DLG2: variants seen among roughly 807,000 people sequenced by gnomAD.
DLG2 encodes the protein discs large MAGUK scaffold protein 2.
In DLG2, 45 loss-of-function variants were observed where a neutral mutation model predicts 132.5. The ratio of observed to expected loss-of-function variants is 0.34; its 90% confidence interval spans 0.27 to 0.44. The LOEUF is 0.44. Among genes scored for constraint, DLG2 ranks in the 20% least tolerant of loss-of-function variants. The pLI is 1.00. For missense variants in DLG2, 1,045 were observed against 1,196.9 expected (o/e 0.87, Z 1.87); for synonymous variants, 424 against 419.6 (o/e 1.01, Z -0.13).
intron 20 of DLG2, among the ~76,000 whole-genome samples, chr11:83,533,280 C>T (rs928208934): frequency 1.3e-5 from 2 of 152,124 alleles, no homozygotes; most frequent in Admixed American, 1.3e-4. Flanking sequence ...TCCCCAATGT[C>T]CTTCTGTCAT....
chr11:84,975,491 A>G lies in DLG2; in HGVS notation c.357+136170T>C, dbSNP rs565073745. Among the ~76,000 whole-genome samples the G allele has an allele frequency of 4.6e-5, 7 of 152,338 alleles. 1 individual carries two copies. The highest frequency in any genetic ancestry group is 4.6e-4 in the Admixed American group (7 of 15,286). On this transcript the variant is annotated intron_variant, in intron 6 of 27. Transcript: ENST00000376104. ...GTACTTCAAGACACATTTTGTGATCATGAGAAATACAACAAAGTGATAAGC... is the reference window on the plus strand; with the variant it reads ...GTACTTCAAGACACATTTTGTGATCGTGAGAAATACAACAAAGTGATAAGC...
At chr11:84,316,976 C>A in intron 7 of DLG2, 1 of 1,612,808 alleles carries the variant, frequency 6.2e-7, no homozygotes, top group Non-Finnish European at 8.5e-7. Flanking sequence ...AGCTGGGCCC[C>A]CTGGTCCTGA....
At chr11:83,845,640 T>C (rs1448524375) in intron 16 of DLG2, among the ~76,000 whole-genome samples, 2 of 152,214 alleles carry the variant, frequency 1.3e-5, no homozygotes, top group Non-Finnish European at 2.9e-5. Flanking sequence ...AGCAAAATAA[T>C]AACCACACTG....
At chr11:84,737,952 G>T (rs1052428275) in intron 6 of DLG2, among the ~76,000 whole-genome samples, 2 of 152,024 alleles carry the variant, frequency 1.3e-5, no homozygotes, top group African/African-American at 4.8e-5. Context: ...TGGGATGGAG[G>T]AGGCATTATT....
chr11:84,000,511 G>A (rs571558748), intron 11 of DLG2, among the ~76,000 whole-genome samples: 1 of 152,122 alleles, frequency 6.6e-6, no homozygotes, highest in East Asian at 1.9e-4. Context: ...CCAGATACAG[G>A]AGGCTCTGAG....
At chr11:84,876,130 G>A (rs1239404483) in intron 6 of DLG2, among the ~76,000 whole-genome samples, 1 of 152,148 alleles carries the variant, frequency 6.6e-6, no homozygotes, top group Non-Finnish European at 1.5e-5. Flanking sequence ...CCTTGAAAAT[G>A]AGACAAGTTA....
At chr11:84,831,262 G>T (rs1348089012) in intron 6 of DLG2, among the ~76,000 whole-genome samples, 1 of 151,402 alleles carries the variant, frequency 6.6e-6, no homozygotes, top group African/African-American at 2.4e-5. Flanking sequence ...GACACGTTTG[G>T]GGCATGGGTG....
At chr11:83,786,619 A>G (rs570571053) in intron 18 of DLG2, 71 bp downstream of exon 18, 2 of 1,353,960 alleles carry the variant, frequency 1.5e-6, no homozygotes, top group Non-Finnish European at 2.1e-6. Context: ...GTTAATAAAA[A>G]TTATTAGTAA....
chr11:85,193,851 T>C (rs780716298), intron 4 of DLG2, among the ~76,000 whole-genome samples: 1 of 152,242 alleles, frequency 6.6e-6, no homozygotes, highest in African/African-American at 2.4e-5. Flanking sequence ...ACAGTAACCT[T>C]TGAAGCACAA....
At chr11:83,889,955 T>A (rs1157190597) in intron 15 of DLG2, among the ~76,000 whole-genome samples, 1 of 98,954 alleles carries the variant, frequency 1.0e-5, no homozygotes, top group South Asian at 4.0e-4. Flanking sequence ...CTCTGGGGAC[T>A]GTTGTGGGGT....
intron 5 of DLG2, among the ~76,000 whole-genome samples, chr11:85,146,019 G>A (rs1373797355): frequency 1.3e-5 from 2 of 152,038 alleles, no homozygotes; most frequent in African/African-American, 2.4e-5. Flanking sequence ...TGTGGTGATC[G>A]AAGTCTCTGG....
Position 83,926,875 on chromosome 11 carries a change from C to T in DLG2, c.1496+3453G>A, listed in dbSNP as rs2079074493. Among the ~76,000 whole-genome samples, 6 of 152,176 alleles carry T rather than the reference C, an allele frequency of 3.9e-5. No homozygotes were observed. The South Asian group carries it at 1.2e-3, about 32-fold the overall frequency. On this transcript the variant is annotated intron_variant, in intron 15 of 27. Transcript: ENST00000376104. Reference sequence around the variant, plus strand: ...TTGGCTGCATTTCAAGATACAGTGGCTTGGAGAGGTATTTCCCATTGGAAA... The same window carrying T: ...TTGGCTGCATTTCAAGATACAGTGGTTTGGAGAGGTATTTCCCATTGGAAA...
intron 8 of DLG2, among the ~76,000 whole-genome samples, chr11:84,169,822 G>C (rs745895007): frequency 6.6e-6 from 1 of 151,194 alleles, no homozygotes; most frequent in African/African-American, 2.4e-5. Context: ...ACAGTGAGCC[G>C]AGTTCACATC....
chr11:83,520,644 T>TAGATAGATAGATAGATAGAC (rs1405987681), intron 21 of DLG2, among the ~76,000 whole-genome samples: 19 of 114,996 alleles, frequency 1.7e-4, no homozygotes, highest in Middle Eastern at 8.5e-3. Context: ...GGTAGGTAGA[T>TAGATAGATAGATAGATAGAC]AGATAGATAG....
chr11:85,409,503 A>T (rs1299732544), intron 3 of DLG2, among the ~76,000 whole-genome samples: 1 of 151,930 alleles, frequency 6.6e-6, no homozygotes, highest in Non-Finnish European at 1.5e-5. Context: ...GCTATTATTA[A>T]AGGAGAAAAA....
intron 21 of DLG2, among the ~76,000 whole-genome samples, chr11:83,488,430 G>A (rs186835974): frequency 6.6e-6 from 1 of 152,000 alleles, no homozygotes; most frequent in Non-Finnish European, 1.5e-5. Flanking sequence ...TGGTGAACTG[G>A]CTTAAGATAA....
intron 21 of DLG2, among the ~76,000 whole-genome samples, chr11:83,506,296 C>A (rs370083224): frequency 6.6e-5 from 10 of 152,318 alleles, no homozygotes; most frequent in African/African-American, 2.4e-4. Flanking sequence ...AATGCAGAGT[C>A]CCTAGTGGGC....
chr11:84,857,075 A>G (rs1171050572), intron 6 of DLG2, among the ~76,000 whole-genome samples: 1 of 151,110 alleles, frequency 6.6e-6, no homozygotes, highest in East Asian at 2.0e-4. Context: ...AAAATTACCA[A>G]TGGCTTCAAA....
At chr11:84,369,125 G>A (rs780268759) in intron 7 of DLG2, among the ~76,000 whole-genome samples, 17 of 151,778 alleles carry the variant, frequency 1.1e-4, no homozygotes, top group East Asian at 1.9e-4. Flanking sequence ...CAATATGGCC[G>A]TGTTTTATAC....
Sources: allele counts gnomAD v4.1 joint callset (sites outside exome capture counted in the v4.1 genomes callset), GRCh38; gene constraint gnomAD v4.1.1; transcripts MANE v1.5; gene names NCBI Gene and HGNC (gene_info 2026-07-23, HGNC 2026-07-21).